Variants in MYO3A observed in about 807,000 individuals in gnomAD.
The protein encoded by MYO3A is myosin-IIIa.
In MYO3A, 180 loss-of-function variants were observed where a neutral mutation model predicts 192.7. The observed-to-expected ratio is 0.93, with a 90% CI of 0.83 to 1.06. The LOEUF (loss-of-function observed/expected upper bound fraction) is 1.06, where lower values mean the gene tolerates loss of function less well. Ranked by LOEUF, MYO3A falls within the 50% of genes least tolerant of loss-of-function variation. The pLI is 0.00. For missense variants in MYO3A, 1,896 were observed against 1,905.0 expected (o/e 1.00, Z 0.09); for synonymous variants, 628 against 645.3 (o/e 0.97, Z 0.41).
At chr10:26,117,639 C>T (rs1838594187) in intron 17 of MYO3A, among the ~76,000 whole-genome samples, 2 of 152,162 alleles carry the variant, frequency 1.3e-5, no homozygotes, top group Non-Finnish European at 2.9e-5. Flanking sequence ...TAATGGCCTC[C>T]AGTCCATCCA....
chr10:26,125,352 C>T (rs756572126), intron 18 of MYO3A, 46 bp from the exon 19 acceptor site: 2 of 1,571,394 alleles, frequency 1.3e-6, no homozygotes, highest in Non-Finnish European at 1.7e-6. Context: ...GGGGAGTGAC[C>T]TCATTGCCAT....
rs535523775 is a variant in MYO3A, at chr10:26,101,657, G to A, written c.1776+4975G>A. Among the ~76,000 whole-genome samples the A allele has an allele frequency of 2.0e-5, 3 of 152,212 alleles. No homozygotes were observed. The South Asian group carries it at 6.2e-4, about 32-fold the overall frequency. ...ATTTTCTTTCTCCTTCACTTATGAA[G>A]CTTAGTTTGGCTGGATATGAAATTC... On this transcript the variant is annotated intron_variant, in intron 17 of 34. Transcript: ENST00000642920.
intron 4 of MYO3A, among the ~76,000 whole-genome samples, chr10:25,974,221 C>T (rs188855395): frequency 6.6e-6 from 1 of 152,270 alleles, no homozygotes. Context: ...CCAGAATCTA[C>T]AAGAAACTTA....
intron 10 of MYO3A, among the ~76,000 whole-genome samples, chr10:26,059,305 AT>A (rs1429343272): frequency 2.9e-4 from 44 of 152,244 alleles, no homozygotes; most frequent in Non-Finnish European, 2.6e-4. Flanking sequence ...ATCATTATGT[AT>A]TGTAACTGTA....
chr10:26,183,184 A>T (rs1378524186), intron 31 of MYO3A, among the ~76,000 whole-genome samples: 6 of 152,158 alleles, frequency 3.9e-5, no homozygotes, highest in Admixed American at 3.9e-4. Flanking sequence ...ACTAGGAGAG[A>T]CATGTGGGGC....
intron 10 of MYO3A, among the ~76,000 whole-genome samples, chr10:26,029,290 A>AT (rs35063376): frequency 0.31 from 47,453 of 152,034 alleles, 7,684 homozygotes; most frequent in Middle Eastern, 0.44. Context: ...CAGTATGAGA[A>AT]TTCATGATGT....
chr10:26,113,582 A>G (rs931587323), intron 17 of MYO3A, among the ~76,000 whole-genome samples: 1 of 152,210 alleles, frequency 6.6e-6, no homozygotes, highest in Non-Finnish European at 1.5e-5. Context: ...TTTGATACCA[A>G]GTTATTTTTT....
At chr10:26,174,848 G>A (rs1205948992) in intron 30 of MYO3A, among the ~76,000 whole-genome samples, 1 of 151,758 alleles carries the variant, frequency 6.6e-6, no homozygotes, top group Non-Finnish European at 1.5e-5. Flanking sequence ...TGAAAAGTTT[G>A]ATGTATCTTT....
chr10:26,094,429 T>TC (rs1836884586), intron 15 of MYO3A, among the ~76,000 whole-genome samples: 1 of 144,582 alleles, frequency 6.9e-6, no homozygotes, highest in South Asian at 2.3e-4. Context: ...TCTTTTTTTT[T>TC]TTTTTTTTTT....
chr10:26,140,738 G>A (rs1840113882), intron 20 of MYO3A, among the ~76,000 whole-genome samples: 2 of 151,728 alleles, frequency 1.3e-5, no homozygotes, highest in South Asian at 2.1e-4. Context: ...CCAGGTGTGG[G>A]ATTTCCTAAC....
chr10:26,093,181 A>G (rs1454235349), intron 15 of MYO3A, among the ~76,000 whole-genome samples: 2 of 152,216 alleles, frequency 1.3e-5, no homozygotes, highest in African/African-American at 4.8e-5. Flanking sequence ...ATTAGTGTAC[A>G]TTGTGAACAA....
chr10:26,075,657 CAT>C (rs111823689), intron 14 of MYO3A, among the ~76,000 whole-genome samples: 19,376 of 140,726 alleles, frequency 0.14, 1,673 homozygotes, highest in East Asian at 0.35. Context: ...ATATGTCTCT[CAT>C]ATATATATGA....
Position 26,042,995 on chromosome 10 carries a change from T to C in MYO3A, c.953+16463T>C, listed in dbSNP as rs565426390. ...GGCATTTGAAAGGACTGGGCTGTTG[T>C]GATCTAAGCCATATATGTATTAGGG... On this transcript the variant is annotated intron_variant, in intron 10 of 34. Coordinates refer to ENST00000642920, the MANE Select transcript of MYO3A (RefSeq NM_017433.5). Among the ~76,000 whole-genome samples the C allele has an allele frequency of 9.2e-5, 14 of 152,324 alleles. No homozygotes were observed. The South Asian group carries it at 2.5e-3, about 27-fold the overall frequency.
intron 14 of MYO3A, among the ~76,000 whole-genome samples, chr10:26,086,324 T>C (rs1432443005): frequency 6.6e-6 from 1 of 152,090 alleles, no homozygotes; most frequent in Non-Finnish European, 1.5e-5. Context: ...TCCGCCCCCA[T>C]GATTTAATCA....
intron 6 of MYO3A, among the ~76,000 whole-genome samples, chr10:26,010,714 A>G (rs7900713): frequency 0.094 from 14,354 of 152,076 alleles, 1,196 homozygotes; most frequent in African/African-American, 0.21. Context: ...CACCTGCCTC[A>G]GCCTCCCAAA....
intron 29 of MYO3A, 126 bp from the exon 30 acceptor site, chr10:26,173,537 T>C: frequency 4.7e-6 from 4 of 842,322 alleles, no homozygotes; most frequent in Non-Finnish European, 7.3e-6. Flanking sequence ...TTGATACTTT[T>C]TAATTTTGAG....
intron 2 of MYO3A, among the ~76,000 whole-genome samples, chr10:25,939,561 AC>A (rs1836338742): frequency 6.6e-6 from 1 of 151,704 alleles, no homozygotes; most frequent in African/African-American, 2.4e-5. Context: ...TTACTCTTTG[AC>A]TTTTAAATTG....
At chr10:26,185,738 C>T (rs1842838142) in intron 31 of MYO3A, among the ~76,000 whole-genome samples, 1 of 151,996 alleles carries the variant, frequency 6.6e-6, no homozygotes, top group Admixed American at 6.6e-5. Flanking sequence ...CATTACTCAC[C>T]CCCAACCAAG....
At chr10:26,123,269 A>C (rs1564571215) in intron 18 of MYO3A, among the ~76,000 whole-genome samples, 1 of 152,212 alleles carries the variant, frequency 6.6e-6, no homozygotes, top group South Asian at 2.1e-4. Flanking sequence ...AAGCATAAAT[A>C]AAATTGCAGT....
Sources: allele counts gnomAD v4.1 joint callset (sites outside exome capture counted in the v4.1 genomes callset), GRCh38; gene constraint gnomAD v4.1.1; transcripts MANE v1.5; gene names NCBI Gene and HGNC (gene_info 2026-07-23, HGNC 2026-07-21).